GRB14: variants seen among roughly 807,000 people sequenced by gnomAD.
GRB14 encodes the protein growth factor receptor-bound protein 14.
In GRB14, 38 loss-of-function variants were observed where a neutral mutation model predicts 69.1. The ratio of observed to expected loss-of-function variants is 0.55; its 90% CI spans 0.42 to 0.72. The LOEUF is 0.72. GRB14 is among the 30% of genes least tolerant of loss of function. The pLI, the probability that GRB14 is intolerant of heterozygous loss-of-function variation, is 0.00. For missense variants in GRB14, 666 were observed against 666.1 expected (o/e 1.00, Z 0.00); for synonymous variants, 247 against 241.3 (o/e 1.02, Z -0.22).
chr2:164,563,695 C>T (rs1688892225), intron 2 of GRB14, among the ~76,000 whole-genome samples: 1 of 152,222 alleles, frequency 6.6e-6, no homozygotes, highest in Non-Finnish European at 1.5e-5. Flanking sequence ...TGGACTTATC[C>T]TTGTAAAGTG....
chr2:164,523,782 G>T (rs1202176847), intron 5 of GRB14, among the ~76,000 whole-genome samples: 2 of 152,018 alleles, frequency 1.3e-5, no homozygotes, highest in African/African-American at 4.8e-5. Context: ...GGCACATGCA[G>T]GACTATCTGA....
chr2:164,621,316 C>T lies in GRB14; in HGVS notation c.-7G>A. ...CTTGCAGGGAAGTGGTCATTGTCGC[C>T]GGCCGGGGGGCTCGGGCGTCATGGG... On this transcript the variant is annotated 5_prime_UTR_variant, in exon 1 of 14. Coordinates refer to ENST00000263915, the MANE Select transcript of GRB14 (RefSeq NM_004490.3). This position sits in a 1 kb window ranked among gnomAD's most constrained non-coding sequence, Gnocchi z 6.0. 1 of 1,284,414 alleles carries T rather than the reference C, an allele frequency of 7.8e-7. No individual in the cohort carries two copies. The highest frequency in any genetic ancestry group is 3.3e-5 in the South Asian group (1 of 29,858). The allele number at this position is 1,284,414 out of a possible 1,614,324, so 79.6% of individuals were successfully genotyped here.
chr2:164,534,957 AGTC>A (rs1165659394), intron 3 of GRB14, among the ~76,000 whole-genome samples: 1 of 152,190 alleles, frequency 6.6e-6, no homozygotes. Flanking sequence ...CACAGATACA[AGTC>A]TATTTAAAAT....
At chr2:164,551,677 G>A (rs1218790147) in intron 2 of GRB14, among the ~76,000 whole-genome samples, 1 of 152,080 alleles carries the variant, frequency 6.6e-6, no homozygotes, top group East Asian at 1.9e-4. Flanking sequence ...GCTTTCTCTG[G>A]CAAACTTCCA....
chr2:164,517,538 G>A lies in GRB14; in HGVS notation c.816+4442C>T, dbSNP rs372712690. 5.3e-5 allele frequency among the ~76,000 whole-genome samples: 8 copies of A among 152,200 alleles called. 1 individual carries two copies. The South Asian group carries it at 1.7e-3, about 32-fold the overall frequency. ...CTCAATACTAACATTGACTGTAAAT[G>A]GCCTAAATGTTCCACTTAAAAGATA... On this transcript the variant is annotated intron_variant, in intron 6 of 13. Transcript: ENST00000263915.
At chr2:164,614,019 G>C (rs1442515532) in intron 2 of GRB14, among the ~76,000 whole-genome samples, 1 of 152,174 alleles carries the variant, frequency 6.6e-6, no homozygotes, top group Non-Finnish European at 1.5e-5. Flanking sequence ...AGTGGGTTTT[G>C]CAAGAGGTCC....
At chr2:164,498,965 T>C (rs1016965838) in intron 9 of GRB14, among the ~76,000 whole-genome samples, 13 of 152,114 alleles carry the variant, frequency 8.5e-5, no homozygotes, top group Non-Finnish European at 4.4e-5. Context: ...GCTGTCTCTG[T>C]AATCTCTATT....
intron 4 of GRB14, 33 bp downstream of exon 4, chr2:164,526,980 AT>A: frequency 6.7e-7 from 1 of 1,485,028 alleles, no homozygotes; most frequent in Non-Finnish European, 9.1e-7. Flanking sequence ...GGGTTCATTT[AT>A]TTTCCGTAAC....
chr2:164,588,576 G>T (rs575783790), intron 2 of GRB14, among the ~76,000 whole-genome samples: 4 of 152,254 alleles, frequency 2.6e-5, no homozygotes, highest in African/African-American at 9.6e-5. Flanking sequence ...AAATATTTAT[G>T]ATGTGTAACT....
chr2:164,569,458 G>A (rs1354317194), intron 2 of GRB14, among the ~76,000 whole-genome samples: 2 of 152,166 alleles, frequency 1.3e-5, no homozygotes, highest in African/African-American at 4.8e-5. Context: ...TCACTGAACT[G>A]CTCAATGCTC....
At chr2:164,573,798 ACATG>A in intron 2 of GRB14, 1 of 1,612,896 alleles carries the variant, frequency 6.2e-7, no homozygotes, top group Admixed American at 1.7e-5. Context: ...ATCAGCATTA[ACATG>A]TTGGCAGATA....
chr2:164,550,789 G>A (rs970243680), intron 2 of GRB14, among the ~76,000 whole-genome samples: 2 of 152,180 alleles, frequency 1.3e-5, no homozygotes, highest in Admixed American at 6.5e-5. Flanking sequence ...CCCTAAAAAT[G>A]TTATTCAAGA....
rs368966409 is a variant in GRB14 at position 164,532,052 on chromosome 2, G to A, written c.482-4917C>T. Among the ~76,000 whole-genome samples, 12 of 152,260 alleles carry A rather than the reference G, an allele frequency of 7.9e-5. No homozygotes were observed. The East Asian group carries it at 1.4e-3, about 17-fold the overall frequency. ...TATAAGCAATAAGCTTAAAAAGCAG[G>A]AGTTTCTACAACATGAAGACAACAG... On this transcript the variant is annotated intron_variant, in intron 3 of 13. Transcript: ENST00000263915.
chr2:164,558,010 G>C (rs1012758033), intron 2 of GRB14, among the ~76,000 whole-genome samples: 1 of 152,116 alleles, frequency 6.6e-6, no homozygotes, highest in African/African-American at 2.4e-5. Flanking sequence ...CAGAAGGGAA[G>C]TTAGCACTGT....
chr2:164,618,820 G>T (rs1239132377), intron 2 of GRB14, among the ~76,000 whole-genome samples: 1 of 152,132 alleles, frequency 6.6e-6, no homozygotes, highest in Non-Finnish European at 1.5e-5. Context: ...CAACTGTCTT[G>T]TCCTCGCTGT....
At chr2:164,619,294 A>G (rs1186976033) in intron 2 of GRB14, among the ~76,000 whole-genome samples, 1 of 152,220 alleles carries the variant, frequency 6.6e-6, no homozygotes, top group African/African-American at 2.4e-5. Context: ...GAAAAATTAA[A>G]GAAAGTATTA....
chr2:164,585,097 T>A, intron 2 of GRB14, among the ~76,000 whole-genome samples: 2 of 91,722 alleles, frequency 2.2e-5, no homozygotes, highest in South Asian at 4.2e-4. Flanking sequence ...TTTTTTTTTT[T>A]TTTTTTTTTT....
intron 3 of GRB14, among the ~76,000 whole-genome samples, chr2:164,529,765 C>T (rs1687874223): frequency 6.6e-6 from 1 of 152,198 alleles, no homozygotes; most frequent in African/African-American, 2.4e-5. Flanking sequence ...AACGTGGACA[C>T]CGATAGCATA....
intron 2 of GRB14, among the ~76,000 whole-genome samples, chr2:164,559,465 C>T (rs1051509291): frequency 2.6e-5 from 4 of 152,172 alleles, no homozygotes; most frequent in East Asian, 1.9e-4. Context: ...CCCAAGTCCC[C>T]GAAGTCCATT....
Sources: allele counts gnomAD v4.1 joint callset (sites outside exome capture counted in the v4.1 genomes callset), GRCh38; gene constraint gnomAD v4.1.1; non-coding constraint Gnocchi (gnomAD v3.1); transcripts MANE v1.5; gene names NCBI Gene and HGNC (gene_info 2026-07-23, HGNC 2026-07-21).